RASA2: variants seen among roughly 807,000 people sequenced by gnomAD.
RASA2 encodes RAS p21 protein activator 2.
RASA2 carries 155 observed loss-of-function variants against 118.2 expected under a neutral mutation model. That is an observed-to-expected ratio of 1.31 (90% CI 1.15 to 1.50). The LOEUF (loss-of-function observed/expected upper bound fraction) is 1.50, where lower values mean the gene tolerates loss of function less well. Ranked by LOEUF, RASA2 falls within the 40% of genes most tolerant of loss-of-function variation. The pLI, the probability that RASA2 is intolerant of heterozygous loss-of-function variation, is 0.00. For missense variants in RASA2, 1,016 were observed against 1,009.6 expected (o/e 1.01, Z -0.09); for synonymous variants, 353 against 349.1 (o/e 1.01, Z -0.12).
rs564420078 is a variant in RASA2 at position 141,491,474 on chromosome 3, T to A, written c.133+4258T>A. Among the ~76,000 whole-genome samples the A allele has an allele frequency of 5.9e-5, 9 of 152,320 alleles. No homozygotes were observed. The South Asian group carries it at 1.4e-3, about 25-fold the overall frequency. ...GATAGAATTGATTCTTGTTCATTTT[T>A]AAAAAATCATCCCAGTGTCAGCACA... On this transcript the variant is annotated intron_variant, in intron 1 of 23. Coordinates refer to ENST00000286364, the MANE Select transcript of RASA2 (RefSeq NM_006506.5).
chr3:141,494,431 C>T (rs934669427), intron 1 of RASA2, among the ~76,000 whole-genome samples: 7 of 152,204 alleles, frequency 4.6e-5, no homozygotes, highest in Admixed American at 1.3e-4. Flanking sequence ...CACCAGGGCA[C>T]GATCTTGGCT....
intron 6 of RASA2, among the ~76,000 whole-genome samples, chr3:141,555,133 T>C (rs2082629897): frequency 6.6e-6 from 1 of 152,128 alleles, no homozygotes. Context: ...TGGTGGCTCA[T>C]GCCTGTAATC....
intron 23 of RASA2, 112 bp downstream of exon 23, chr3:141,610,178 G>T: frequency 1.1e-6 from 1 of 888,854 alleles, no homozygotes; most frequent in Non-Finnish European, 1.6e-6. Context: ...ATCCCGCTCA[G>T]GGCCATTCTC....
chr3:141,550,515 C>G (rs1265113499), intron 5 of RASA2, among the ~76,000 whole-genome samples: 2 of 152,194 alleles, frequency 1.3e-5, no homozygotes, highest in African/African-American at 4.8e-5. Flanking sequence ...TGAGTAAGGG[C>G]TACAGATTTC....
intron 2 of RASA2, among the ~76,000 whole-genome samples, chr3:141,514,911 A>G (rs2082000865): frequency 6.6e-6 from 1 of 152,366 alleles, no homozygotes; most frequent in East Asian, 1.9e-4. Flanking sequence ...GGACATGAGT[A>G]CATACTATAT....
intron 1 of RASA2, among the ~76,000 whole-genome samples, chr3:141,510,842 T>C (rs1334231370): frequency 6.6e-6 from 1 of 152,168 alleles, no homozygotes; most frequent in Non-Finnish European, 1.5e-5. Context: ...CTTTGTAGAC[T>C]GTGGTATAGA....
intron 9 of RASA2, among the ~76,000 whole-genome samples, chr3:141,562,918 G>T (rs544733016): frequency 3.9e-5 from 6 of 151,958 alleles, no homozygotes; most frequent in African/African-American, 1.4e-4. Flanking sequence ...TGATCCCCCC[G>T]CCTCGGCCTC....
intron 14 of RASA2, among the ~76,000 whole-genome samples, chr3:141,576,045 G>A (rs1338707321): frequency 2.6e-5 from 4 of 152,152 alleles, no homozygotes; most frequent in Admixed American, 6.5e-5. Context: ...CCAAAGTGCT[G>A]GAATTACGGG....
chr3:141,549,259 T>G (rs182759880), intron 5 of RASA2, among the ~76,000 whole-genome samples: 1 of 152,206 alleles, frequency 6.6e-6, no homozygotes, highest in Non-Finnish European at 1.5e-5. Context: ...CCTTCAGTTA[T>G]GCCTTCTTTT....
At chr3:141,574,585 C>A (rs1233300121) in intron 14 of RASA2, among the ~76,000 whole-genome samples, 1 of 152,174 alleles carries the variant, frequency 6.6e-6, no homozygotes, top group Non-Finnish European at 1.5e-5. Context: ...AATACATATT[C>A]CATTTTATTT....
intron 9 of RASA2, among the ~76,000 whole-genome samples, chr3:141,570,054 T>C (rs755051838): frequency 1.3e-5 from 2 of 152,040 alleles, no homozygotes; most frequent in Non-Finnish European, 2.9e-5. Context: ...ATATTCTCTT[T>C]TGTTTGTGTT....
chr3:141,512,604 A>G (rs1403675724), intron 2 of RASA2, among the ~76,000 whole-genome samples: 5 of 152,220 alleles, frequency 3.3e-5, no homozygotes, highest in Non-Finnish European at 7.3e-5. Flanking sequence ...TTATCAGGGA[A>G]TGAATTCTCA....
In RASA2 at chr3:141,529,713, G is replaced by A. The variant is rs2082232739; in HGVS notation, c.361G>A (p.Val121Ile). Residue 121 changes from valine to isoleucine, a missense_variant, in exon 4 of 24, where the codon GTA becomes ATA. Transcript: ENST00000286364. ...GTTTTACTTATTTTCTGTAGGAAAA[G>A]TAGCCATCAAAAAAGAAGACTTGTG... is the stretch of plus-strand genomic sequence containing the variant. ...VLQRDLRIGK[V>I]AIKKEDLCNH... 1.9e-6 allele frequency: 3 copies of A among 1,608,448 alleles called. No homozygotes were observed. Among genetic ancestry groups the A allele is most frequent in the Admixed American group, 3.3e-5 (2 of 59,814 alleles).
chr3:141,542,891 G>A (rs1481548354), intron 5 of RASA2, among the ~76,000 whole-genome samples: 1 of 152,016 alleles, frequency 6.6e-6, no homozygotes, highest in Non-Finnish European at 1.5e-5. Context: ...GTGACCTTTT[G>A]AGATTGGCTT....
chr3:141,543,938 T>C (rs1203227457), intron 5 of RASA2, among the ~76,000 whole-genome samples: 1 of 149,594 alleles, frequency 6.7e-6, no homozygotes, highest in African/African-American at 2.5e-5. Context: ...TGCATTGGTG[T>C]GATCTCAGCT....
Position 141,487,033 on chromosome 3 carries a change from C to T in RASA2, c.-51C>T. 2 of 1,151,210 alleles carry T rather than the reference C, an allele frequency of 1.7e-6. No homozygotes were observed. Among genetic ancestry groups the T allele is most frequent in the Non-Finnish European group, 2.1e-6 (2 of 934,228 alleles). The allele number at this position is 1,151,210 out of a possible 1,614,324, so 71.3% of individuals were successfully genotyped here. On this transcript the variant is annotated 5_prime_UTR_variant, in exon 1 of 24. Transcript: ENST00000286364. ...GGGCCTAGGCCGCTGCTGGGCTCCG[C>T]CTCGCCCGGCTACGCAGGCGGCAGG...
At chr3:141,510,215 C>T (rs1559996617) in intron 1 of RASA2, among the ~76,000 whole-genome samples, 1 of 152,124 alleles carries the variant, frequency 6.6e-6, no homozygotes, top group African/African-American at 2.4e-5. Context: ...TGAAGTCATA[C>T]AGCCACTTAG....
intron 3 of RASA2, among the ~76,000 whole-genome samples, chr3:141,520,542 A>AGTGTGTGT (rs34101510): frequency 2.0e-5 from 3 of 150,700 alleles, no homozygotes; most frequent in Non-Finnish European, 4.4e-5. Flanking sequence ...ATATAACTGG[A>AGTGTGTGT]GTGTGTGTGT....
intron 1 of RASA2, among the ~76,000 whole-genome samples, chr3:141,495,768 A>G (rs114175715): frequency 0.011 from 1,651 of 152,346 alleles, 21 homozygotes; most frequent in African/African-American, 0.026. Context: ...AAGATATTCA[A>G]TGTTGCCTTG....
Sources: allele counts gnomAD v4.1 joint callset (sites outside exome capture counted in the v4.1 genomes callset), GRCh38; gene constraint gnomAD v4.1.1; transcripts MANE v1.5; gene names NCBI Gene and HGNC (gene_info 2026-07-23, HGNC 2026-07-21).